Variants in CLIC5 observed in about 807,000 individuals in gnomAD.
CLIC5 encodes the protein CLIC family member 5.
A neutral mutation model predicts 24.7 loss-of-function variants in CLIC5; 20 were observed. The ratio of observed to expected loss-of-function variants is 0.81; its 90% CI spans 0.57 to 1.18. The LOEUF (loss-of-function observed/expected upper bound fraction) is 1.18, where lower values mean the gene tolerates loss of function less well. Ranked by LOEUF, CLIC5 falls within the 50% of genes most tolerant of loss-of-function variation. CLIC5 has a pLI of 0.00. For missense variants in CLIC5, 341 were observed against 326.1 expected, an observed-to-expected ratio of 1.05 and a Z score of -0.35; for synonymous variants, 159 against 135.6, an observed-to-expected ratio of 1.17 and a Z score of -1.20.
chr6:46,027,795 CA>C (rs1406797348), intron 1 of CLIC5, among the ~76,000 whole-genome samples: 1 of 152,128 alleles, frequency 6.6e-6, no homozygotes, highest in Non-Finnish European at 1.5e-5. Flanking sequence ...TCATTGGCAG[CA>C]ACTACAGAAG....
intron 4 of CLIC5, among the ~76,000 whole-genome samples, chr6:45,936,579 C>T (rs1763945027): frequency 1.3e-5 from 2 of 152,086 alleles, no homozygotes; most frequent in African/African-American, 2.4e-5. Context: ...TTATTACCCC[C>T]ATTTCACAGA....
At chr6:45,922,833 G>A (rs868058006) in intron 4 of CLIC5, among the ~76,000 whole-genome samples, 46 of 145,170 alleles carry the variant, frequency 3.2e-4, no homozygotes, top group African/African-American at 1.1e-3. Flanking sequence ...AAGAGAGAGA[G>A]ATAGAGAGAG....
the CLIC5 span, among the ~76,000 whole-genome samples, chr6:46,108,999 TAAATAC>T: frequency 1.3e-3 from 195 of 152,322 alleles, no homozygotes; most frequent in Non-Finnish European, 1.1e-3. Context: ...TTAACTTGTA[TAAATAC>T]GTTATTAATG....
At chr6:45,953,708 T>C (rs548020059) in intron 2 of CLIC5, among the ~76,000 whole-genome samples, 30 of 152,220 alleles carry the variant, frequency 2.0e-4, no homozygotes, top group African/African-American at 7.0e-4. Flanking sequence ...GATTAAAGCA[T>C]TATTTTAGGA....
At position 45,947,731 on chromosome 6, in the gene CLIC5, C is replaced by T. The variant is rs141513051; in HGVS notation, c.299+1525G>A. On this transcript the variant is annotated intron_variant, in intron 3 of 5. Coordinates refer to ENST00000339561, the MANE Select transcript of CLIC5 (RefSeq NM_016929.5). ...CAGTGCTAGCAATGAGGTTGAGTCC[C>T]GGGGAGGGGGATGGAGTCTGGGCTC... Among the ~76,000 whole-genome samples the T allele has an allele frequency of 2.3e-3, 345 of 152,160 alleles. 1 individual carries two copies. Among genetic ancestry groups the T allele is most frequent in the African/African-American group, 7.9e-3 (327 of 41,520 alleles).
chr6:46,116,774 G>A, the CLIC5 span, among the ~76,000 whole-genome samples: 1 of 152,140 alleles, frequency 6.6e-6, no homozygotes, highest in Non-Finnish European at 1.5e-5. Context: ...CAAAATTGTT[G>A]ACCATCTAGG....
chr6:45,946,757 G>T (rs866580168), intron 3 of CLIC5, among the ~76,000 whole-genome samples: 3 of 152,198 alleles, frequency 2.0e-5, no homozygotes, highest in African/African-American at 7.2e-5. Context: ...GGAGGTAATT[G>T]TGGCACCTGC....
chr6:45,981,896 G>A (rs1036910529), intron 1 of CLIC5, among the ~76,000 whole-genome samples: 13 of 152,010 alleles, frequency 8.6e-5, no homozygotes, highest in African/African-American at 2.9e-4. Context: ...TACTCGGGAG[G>A]CTGAGGCAGG....
In CLIC5 at chr6:46,073,638, C is replaced by T. The variant is rs556663099; in HGVS notation, c.540+6065G>A. 1.2e-3 allele frequency among the ~76,000 whole-genome samples: 179 copies of T among 152,320 alleles called. 1 individual carries two copies. Among genetic ancestry groups the T allele is most frequent in the African/African-American group, 4.0e-3 (166 of 41,558 alleles). On this transcript the variant is annotated intron_variant, in intron 1 of 5. Transcript: ENST00000185206. Reference sequence around the variant, plus strand: ...GTATCCTCCTCAGAACATTCTATTACTCTTGGTTGCTCTCAGGATAAGATC... The same window carrying T: ...GTATCCTCCTCAGAACATTCTATTATTCTTGGTTGCTCTCAGGATAAGATC...
At chr6:45,994,909 A>C (rs1354531118) in intron 1 of CLIC5, among the ~76,000 whole-genome samples, 1 of 152,234 alleles carries the variant, frequency 6.6e-6, no homozygotes, top group Non-Finnish European at 1.5e-5. Context: ...TATATTTATA[A>C]ATAACAGTCC....
chr6:46,107,795 G>A, the CLIC5 span, among the ~76,000 whole-genome samples: 2 of 152,146 alleles, frequency 1.3e-5, no homozygotes. Flanking sequence ...CAGCACTTTG[G>A]GAGGTCAAGG....
chr6:45,976,585 T>C (rs1162162265), intron 1 of CLIC5, among the ~76,000 whole-genome samples: 3 of 152,236 alleles, frequency 2.0e-5, no homozygotes, highest in African/African-American at 7.2e-5. Context: ...TTACTTTTAA[T>C]GGCAAACTCA....
chr6:45,992,644 T>G (rs533784275), intron 1 of CLIC5, among the ~76,000 whole-genome samples: 17 of 152,172 alleles, frequency 1.1e-4, no homozygotes, highest in South Asian at 2.1e-4. Context: ...GTATTTACAC[T>G]CCAGTATATC....
At chr6:46,071,704 A>T (rs1443807545) in intron 1 of CLIC5, among the ~76,000 whole-genome samples, 1 of 152,172 alleles carries the variant, frequency 6.6e-6, no homozygotes, top group Non-Finnish European at 1.5e-5. Context: ...TAAAAACAGA[A>T]TGACCCTTCT....
chr6:46,070,504 A>G (rs1309988238), intron 1 of CLIC5, among the ~76,000 whole-genome samples: 1 of 152,164 alleles, frequency 6.6e-6, no homozygotes, highest in Non-Finnish European at 1.5e-5. Flanking sequence ...ACCTAGGAAT[A>G]CAGCTAACCA....
At position 46,080,233 on chromosome 6, in the gene CLIC5, C is replaced by A. The variant is rs116755302; in HGVS notation, c.10G>T (p.Glu4Ter). The A allele has an allele frequency of 6.5e-7, 1 of 1,550,372 alleles. No individual in the cohort carries two copies. Among genetic ancestry groups the A allele is most frequent in the South Asian group, 1.2e-5 (1 of 83,898 alleles). ...GTGTCATAGATGGTGCTGTAGTCTTCGTCATTCATGCTTATTGATCCGAGA... is the reference window on the plus strand; with the variant it reads ...GTGTCATAGATGGTGCTGTAGTCTTAGTCATTCATGCTTATTGATCCGAGA... Residue 4 changes from glutamate (E) to a stop codon, truncating the protein, a stop_gained, in exon 1 of 6, where the codon GAA becomes TAA. Coordinates refer to the CLIC5 transcript ENST00000185206. LOFTEE classifies it high-confidence loss of function.
At chr6:46,111,933 A>T in the CLIC5 span, among the ~76,000 whole-genome samples, 2 of 152,122 alleles carry the variant, frequency 1.3e-5, no homozygotes, top group African/African-American at 4.8e-5. Flanking sequence ...ACTATGTAAG[A>T]TATAAACTTT....
chr6:45,910,049 C>G (rs1016074992), intron 5 of CLIC5, among the ~76,000 whole-genome samples: 1 of 152,100 alleles, frequency 6.6e-6, no homozygotes, highest in African/African-American at 2.4e-5. Context: ...CATTTTTTCC[C>G]CTCTATGCTC....
At chr6:45,955,915 A>C (rs1238440781) in intron 1 of CLIC5, among the ~76,000 whole-genome samples, 1 of 152,208 alleles carries the variant, frequency 6.6e-6, no homozygotes. Flanking sequence ...CTCAACAAAT[A>C]CATATTGACT....
Sources: allele counts gnomAD v4.1 joint callset (sites outside exome capture counted in the v4.1 genomes callset), GRCh38; gene constraint gnomAD v4.1.1; transcripts MANE v1.5; gene names NCBI Gene and HGNC (gene_info 2026-07-23, HGNC 2026-07-21).